COL27A1: variants seen among roughly 807,000 people sequenced by gnomAD.
COL27A1 encodes the protein collagen type XXVII alpha 1 chain.
In COL27A1, 106 loss-of-function variants were observed where a neutral mutation model predicts 251.3. The observed-to-expected ratio is 0.42, with a 90% CI of 0.36 to 0.50. The LOEUF (loss-of-function observed/expected upper bound fraction) is 0.50, where lower values mean the gene tolerates loss of function less well. Ranked by LOEUF, COL27A1 falls within the 20% of genes least tolerant of loss-of-function variation. The pLI, the probability that COL27A1 is intolerant of heterozygous loss-of-function variation, is 0.00. For missense variants in COL27A1, 2,325 were observed against 2,522.8 expected, an observed-to-expected ratio of 0.92 and a Z score of 1.68; for synonymous variants, 1,000 against 986.3, an observed-to-expected ratio of 1.01 and a Z score of -0.26.
Position 114,237,704 on chromosome 9 carries a change from C to G in COL27A1, c.2716C>G (p.Pro906Ala). ...AGGATCCATTGGGTTTCCCGGGCCC[C>G]CTGGACCCGAGGTATGTGATGCCCC... is the stretch of plus-strand genomic sequence containing the variant. ...DKGSIGFPGP[P>A]GPEGFPGDIG... is the part of the protein sequence containing the mutation. The change falls in exon 19 of 61, where the codon CCT becomes GCT. Residue 906 changes from proline (P) to alanine (A), a missense_variant. Coordinates refer to ENST00000356083, the MANE Select transcript of COL27A1 (RefSeq NM_032888.4). 3 of 1,614,014 alleles carry G rather than the reference C, an allele frequency of 1.9e-6. No homozygotes were observed. The highest frequency in any genetic ancestry group is 1.7e-6 in the Non-Finnish European group (2 of 1,179,884).
chr9:114,181,249 T>G (rs1302262610), intron 4 of COL27A1, among the ~76,000 whole-genome samples: 2 of 151,888 alleles, frequency 1.3e-5, no homozygotes, highest in African/African-American at 4.8e-5. Context: ...GGAGACAGTG[T>G]TTGGTGGACT....
chr9:114,219,962 A>G, intron 13 of COL27A1, 118 bp downstream of exon 13: 1 of 770,130 alleles, frequency 1.3e-6, no homozygotes, highest in South Asian at 1.5e-5. Flanking sequence ...CCTGTGAAGT[A>G]CCAGCTGGGC....
chr9:114,258,460 C>T (rs1346960134), intron 27 of COL27A1, 81 bp from the exon 28 acceptor site: 3 of 1,421,800 alleles, frequency 2.1e-6, no homozygotes, highest in Non-Finnish European at 2.9e-6. Context: ...GGCCTTCAAG[C>T]TTTGCCCCAC....
rs1045943282 is a variant in COL27A1, at chr9:114,311,549, A to G, written c.*854A>G. The G allele has an allele frequency of 8.8e-5, 6 of 68,384 alleles. No individual in the cohort carries two copies. Among genetic ancestry groups the G allele is most frequent in the African/African-American group, 5.7e-4 (6 of 10,560 alleles). The allele number at this position is 68,384 out of a possible 1,614,324, so 4.2% of individuals were successfully genotyped here. A position where few individuals can be genotyped will look rare whatever the true frequency, so the allele number is the denominator to read the frequency against. ...GGAGGAAAAAAGAAAAGAAAAAAGG[A>G]AAAAAAAAAAAAAAAAGCAAAACAA... On this transcript the variant is annotated 3_prime_UTR_variant, in exon 61 of 61. Coordinates refer to ENST00000356083, the MANE Select transcript of COL27A1 (RefSeq NM_032888.4).
chr9:114,227,700 T>C (rs1831586272), intron 14 of COL27A1, among the ~76,000 whole-genome samples: 1 of 152,096 alleles, frequency 6.6e-6, no homozygotes, highest in African/African-American at 2.4e-5. Flanking sequence ...GATTGTGTTC[T>C]TGGTGGGAGT....
intron 10 of COL27A1, among the ~76,000 whole-genome samples, chr9:114,207,305 G>T (rs1201188408): frequency 6.6e-6 from 1 of 152,158 alleles, no homozygotes; most frequent in Non-Finnish European, 1.5e-5. Context: ...AGGCGGGAGT[G>T]GGGGCGGGGA....
intron 31 of COL27A1, 144 bp downstream of exon 31, chr9:114,265,254 C>T: frequency 9.1e-7 from 1 of 1,097,228 alleles, no homozygotes; most frequent in Non-Finnish European, 1.4e-6. Flanking sequence ...ACCTGCCCTG[C>T]ACTGAAGCTC....
intron 59 of COL27A1, among the ~76,000 whole-genome samples, chr9:114,308,577 C>G (rs1829226605): frequency 6.6e-6 from 1 of 152,228 alleles, no homozygotes; most frequent in Non-Finnish European, 1.5e-5. Flanking sequence ...CCAGAGCTCA[C>G]AGTCCAGCAG....
intron 56 of COL27A1, among the ~76,000 whole-genome samples, chr9:114,303,459 G>A (rs1348715763): frequency 6.6e-6 from 1 of 152,022 alleles, no homozygotes; most frequent in Non-Finnish European, 1.5e-5. Flanking sequence ...GGCTGGTTTT[G>A]AACTCCTGAC....
intron 26 of COL27A1, 102 bp downstream of exon 26, chr9:114,252,748 C>A: frequency 7.1e-7 from 1 of 1,413,004 alleles, no homozygotes; most frequent in Non-Finnish European, 1.0e-6. Flanking sequence ...TCAGAATGAC[C>A]AGCTCCCTCT....
chr9:114,259,997 G>C (rs879793761), intron 28 of COL27A1, among the ~76,000 whole-genome samples: 1 of 29,870 alleles, frequency 3.3e-5, no homozygotes, highest in East Asian at 1.2e-3. Context: ...CCTCTGGGTG[G>C]GGGGGGGGTC....
At chr9:114,258,692 C>T in intron 28 of COL27A1, 98 bp downstream of exon 28, 1 of 1,261,722 alleles carries the variant, frequency 7.9e-7, no homozygotes, top group South Asian at 1.3e-5. Context: ...TGCCCCTAGC[C>T]CAGCTCTGGG....
Position 114,290,802 on chromosome 9 carries a change from C to T in COL27A1, c.4369-8C>T. The T allele has an allele frequency of 1.3e-6, 2 of 1,541,666 alleles. No homozygotes were observed. Among genetic ancestry groups the T allele is most frequent in the Non-Finnish European group, 1.8e-6 (2 of 1,142,296 alleles). On this transcript the variant is annotated splice_polypyrimidine_tract_variant and splice_region_variant and intron_variant, in intron 47 of 60. Coordinates refer to ENST00000356083, the MANE Select transcript of COL27A1 (RefSeq NM_032888.4). The surrounding 1 kb of genome is among the most constrained non-coding windows in gnomAD (Gnocchi z 4.6). Reference sequence around the variant, plus strand: ...CAAGAGACCCTCCTCTGCCTGCTTTCTTAACAGGGGGAGCAGGGAGACGAT... The same window carrying T: ...CAAGAGACCCTCCTCTGCCTGCTTTTTTAACAGGGGGAGCAGGGAGACGAT...
At chr9:114,213,265 C>T (rs777730315) in intron 12 of COL27A1, among the ~76,000 whole-genome samples, 3 of 152,128 alleles carry the variant, frequency 2.0e-5, no homozygotes, top group Non-Finnish European at 4.4e-5. Flanking sequence ...GTCAGCAGGG[C>T]CATGCCTCAG....
intron 27 of COL27A1, 58 bp from the exon 28 acceptor site, chr9:114,258,483 C>G: frequency 6.5e-7 from 1 of 1,528,574 alleles, no homozygotes; most frequent in South Asian, 1.2e-5. Context: ...TCCCAGCCCC[C>G]CGTGTTGCTC....
chr9:114,185,509 G>A (rs1018559791), intron 5 of COL27A1, among the ~76,000 whole-genome samples: 1 of 152,222 alleles, frequency 6.6e-6, no homozygotes, highest in African/African-American at 2.4e-5. Flanking sequence ...GGCCTTCCCT[G>A]GATGGAAGTA....
chr9:114,245,839 T>C (rs775344538), intron 23 of COL27A1, 27 bp from the exon 24 acceptor site: 1 of 1,612,292 alleles, frequency 6.2e-7, no homozygotes, highest in South Asian at 1.1e-5. Context: ...CCCATCCCAA[T>C]CCATCCTCCT....
Position 114,184,185 on chromosome 9 carries a change from C to A in COL27A1, c.2016+1110C>A, listed in dbSNP as rs73560600. ...CAGCCTGTGTCATCTGTGGGGTAAC[C>A]AGGTGAAGAGCACCCCCGTGCTTTG... On this transcript the variant is annotated intron_variant, in intron 5 of 60. Transcript: ENST00000356083. Among the ~76,000 whole-genome samples the A allele has an allele frequency of 6.0e-3, 915 of 152,326 alleles. 8 individuals carry two copies. Among genetic ancestry groups the A allele is most frequent in the African/African-American group, 0.02 (828 of 41,568 alleles).
chr9:114,198,931 C>T (rs1829362469), intron 7 of COL27A1, among the ~76,000 whole-genome samples: 1 of 152,152 alleles, frequency 6.6e-6, no homozygotes, highest in Non-Finnish European at 1.5e-5. Flanking sequence ...AATATCCCTG[C>T]CCTCAGCACA....
Sources: allele counts gnomAD v4.1 joint callset (sites outside exome capture counted in the v4.1 genomes callset), GRCh38; gene constraint gnomAD v4.1.1; non-coding constraint Gnocchi (gnomAD v3.1); transcripts MANE v1.5; gene names NCBI Gene and HGNC (gene_info 2026-07-23, HGNC 2026-07-21).